Variants in UNC13B observed in about 807,000 individuals in gnomAD.
UNC13B encodes the protein unc-13 homolog B, also known as protein unc-13 homolog B.
In UNC13B, 144 loss-of-function variants were observed where a neutral mutation model predicts 211.0. That is an observed-to-expected ratio of 0.68 (90% CI 0.60 to 0.78). The LOEUF (loss-of-function observed/expected upper bound fraction) is 0.78, where lower values mean the gene tolerates loss of function less well. UNC13B is among the 30% of genes least tolerant of loss of function. UNC13B has a pLI of 0.00. For missense variants in UNC13B, 1,777 were observed against 2,002.0 expected (o/e 0.89, Z 2.14); for synonymous variants, 709 against 725.8 (o/e 0.98, Z 0.37).
intron 11 of UNC13B, among the ~76,000 whole-genome samples, chr9:35,339,499 A>G (rs1474528324): frequency 1.3e-5 from 2 of 152,186 alleles, no homozygotes; most frequent in Admixed American, 1.3e-4. Context: ...GGCCCTGTAG[A>G]ACAGTGGCAG....
chr9:35,325,819 A>G (rs567485314), intron 11 of UNC13B, among the ~76,000 whole-genome samples: 2 of 152,316 alleles, frequency 1.3e-5, no homozygotes, highest in Non-Finnish European at 2.9e-5. Flanking sequence ...ATGGATTCCT[A>G]TCATATGTGG....
chr9:35,382,516 C>T lies in UNC13B; in HGVS notation c.10806+9C>T. 2 of 1,601,684 alleles carry T rather than the reference C, an allele frequency of 1.2e-6. No homozygotes were observed. Among genetic ancestry groups the T allele is most frequent in the Admixed American group, 1.8e-5 (1 of 56,736 alleles). On this transcript the variant is annotated intron_variant, in intron 21 of 39. Transcript: ENST00000635942. Reference sequence around the variant, plus strand: ...CAGCCTCCAACTTTGGGGTAAGTATCATGTAAACACATATGTCTGCATTTG... The same window carrying T: ...CAGCCTCCAACTTTGGGGTAAGTATTATGTAAACACATATGTCTGCATTTG...
chr9:35,231,121 T>C lies in UNC13B; in HGVS notation c.54T>C (p.Asp18=), dbSNP rs1384833425. Residue 18 remains aspartate (D), a splice_region_variant and synonymous_variant, in exon 3 of 40, where the codon GAT becomes GAC. Transcript: ENST00000635942. ...TCTCCATTTTGTATTTTTTCAAAGA[T>C]AAATTTAACACATATGTGACCCTGA... ...VKRAKFQGSP[D]KFNTYVTLKV... 6.2e-7 allele frequency: 1 copy of C among 1,607,350 alleles called. No homozygotes were observed. Among genetic ancestry groups the C allele is most frequent in the African/African-American group, 1.3e-5 (1 of 74,796 alleles).
chr9:35,388,362 C>T (rs555677287), intron 24 of UNC13B, among the ~76,000 whole-genome samples: 1 of 152,166 alleles, frequency 6.6e-6, no homozygotes, highest in East Asian at 1.9e-4. Flanking sequence ...GAGCTGAGAT[C>T]GTGCTGCTGC....
intron 1 of UNC13B, among the ~76,000 whole-genome samples, chr9:35,204,278 A>C (rs925929918): frequency 6.6e-6 from 1 of 152,230 alleles, no homozygotes; most frequent in East Asian, 1.9e-4. Flanking sequence ...AGCCTAGTGC[A>C]GGGTTTGAGC....
rs1446886494 is a variant in UNC13B, at chr9:35,295,850, A to G, written c.681A>G (p.Leu227=). ...PVPVRSPQQL[L]LQGSSRDSCN... ...CGGTGCGATCGCCACAGCAGCTGCT[A>G]CTTCAAGGCAGTTCCCGGGACTCTT... The change falls in exon 8 of 40, where the codon CTA becomes CTG. Residue 227 remains leucine (L), a synonymous_variant. Transcript: ENST00000635942. 1.2e-6 allele frequency: 2 copies of G among 1,614,036 alleles called. No individual in the cohort carries two copies. Among genetic ancestry groups the G allele is most frequent in the Non-Finnish European group, 1.7e-6 (2 of 1,180,040 alleles).
At chr9:35,330,850 T>C (rs1018808079) in intron 11 of UNC13B, among the ~76,000 whole-genome samples, 2 of 152,180 alleles carry the variant, frequency 1.3e-5, no homozygotes, top group African/African-American at 2.4e-5. Flanking sequence ...GATTTGGCTC[T>C]GGTTTCCAAG....
intron 37 of UNC13B, among the ~76,000 whole-genome samples, chr9:35,402,911 G>A (rs1016381558): frequency 9.9e-5 from 15 of 152,206 alleles, no homozygotes; most frequent in African/African-American, 3.6e-4. Flanking sequence ...GGAGATAAGA[G>A]TTTTGGGGAT....
intron 1 of UNC13B, among the ~76,000 whole-genome samples, chr9:35,164,483 CTT>C (rs200445545): frequency 0.011 from 1,638 of 152,334 alleles, 34 homozygotes; most frequent in African/African-American, 0.038. Flanking sequence ...AAGTAGTTAA[CTT>C]GATGTAGAAA....
intron 8 of UNC13B, 104 bp downstream of exon 8, chr9:35,296,034 G>A (rs890567997): frequency 8.3e-6 from 9 of 1,079,474 alleles, no homozygotes; most frequent in Admixed American, 2.4e-5. Flanking sequence ...TAGCGTAAGT[G>A]TAGCAGTATC....
At position 35,374,891 on chromosome 9, in the gene UNC13B, A is replaced by G. The variant is rs965057478; in HGVS notation, c.9541-236A>G. Among the ~76,000 whole-genome samples the G allele has an allele frequency of 2.6e-5, 4 of 152,362 alleles. No homozygotes were observed. The East Asian group carries it at 7.7e-4, about 29-fold the overall frequency. On this transcript the variant is annotated intron_variant, in intron 13 of 39. Coordinates refer to ENST00000635942, the MANE Select transcript of UNC13B (RefSeq NM_001371189.2). Reference sequence around the variant, plus strand: ...GAAAAAGAAACTCTTTGGATGATAGATACCCTGAAGAAAGTGCTGTTCTAA... The same window carrying G: ...GAAAAAGAAACTCTTTGGATGATAGGTACCCTGAAGAAAGTGCTGTTCTAA...
At chr9:35,297,440 C>T (rs957488218) in intron 8 of UNC13B, among the ~76,000 whole-genome samples, 1 of 149,184 alleles carries the variant, frequency 6.7e-6, no homozygotes, top group Non-Finnish European at 1.5e-5. Context: ...AATGCCTCTT[C>T]GTTTGGTTTT....
intron 11 of UNC13B, chr9:35,353,638 T>A (rs377049064): frequency 1.6e-6 from 2 of 1,232,074 alleles, no homozygotes; most frequent in African/African-American, 3.1e-5. Context: ...GGCCTGGATC[T>A]CCCAAGCAGG....
chr9:35,381,254 T>G (rs747505861), intron 19 of UNC13B, 39 bp downstream of exon 19: 1 of 1,567,518 alleles, frequency 6.4e-7, no homozygotes. Context: ...CAGAAAGCAG[T>G]GCTGGGAGAG....
At chr9:35,260,866 T>C (rs563614740) in intron 7 of UNC13B, among the ~76,000 whole-genome samples, 3 of 152,256 alleles carry the variant, frequency 2.0e-5, no homozygotes, top group African/African-American at 7.2e-5. Context: ...AATGTAAAGA[T>C]TGAGATTTTA....
At chr9:35,226,604 G>T (rs970293226) in intron 1 of UNC13B, among the ~76,000 whole-genome samples, 2 of 152,216 alleles carry the variant, frequency 1.3e-5, no homozygotes, top group Non-Finnish European at 2.9e-5. Context: ...CAAAGCACAG[G>T]TGTAAGACCA....
intron 11 of UNC13B, among the ~76,000 whole-genome samples, chr9:35,322,937 A>T (rs917303386): frequency 2.0e-5 from 3 of 151,794 alleles, no homozygotes; most frequent in African/African-American, 7.3e-5. Context: ...TAACATTTCT[A>T]AAAAAAACTG....
chr9:35,217,387 GTTTTTTTTGTTTTTT>G (rs1564073697), intron 1 of UNC13B, among the ~76,000 whole-genome samples: 2 of 146,168 alleles, frequency 1.4e-5, no homozygotes, highest in Non-Finnish European at 3.0e-5. Flanking sequence ...TTGTTTGTTT[GTTTTTTTTGTTTTTT>G]TTTTTTTTGA....
intron 7 of UNC13B, among the ~76,000 whole-genome samples, chr9:35,262,459 G>A (rs545458512): frequency 1.3e-4 from 20 of 152,166 alleles, no homozygotes; most frequent in African/African-American, 4.8e-4. Context: ...TAGAACTACA[G>A]GCCATGCTAC....
Sources: gnomAD v4.1 joint callset for allele counts (sites outside exome capture counted in the v4.1 genomes callset) on GRCh38, gnomAD v4.1.1 for gene constraint, MANE v1.5 for transcripts, NCBI Gene and HGNC (gene_info 2026-07-23, HGNC 2026-07-21) for gene names.